Variants in TRRAP observed in about 807,000 individuals in gnomAD.
The protein encoded by TRRAP is transformation/transcription domain-associated protein.
In TRRAP, 41 loss-of-function variants were observed where a neutral mutation model predicts 438.8. The observed-to-expected ratio is 0.09, with a 90% CI of 0.07 to 0.12. TRRAP has a LOEUF of 0.12. TRRAP is among the 10% of genes least tolerant of loss of function. The pLI, the probability that TRRAP is intolerant of heterozygous loss-of-function variation, is 1.00. For synonymous variants in TRRAP, 1,994 were observed against 1,962.9 expected, an observed-to-expected ratio of 1.02 and a Z score of -0.42; for missense variants, 3,122 against 5,055.1, an observed-to-expected ratio of 0.62 and a Z score of 11.60.
chr7:98,959,936 TAAAAAAAAAA>T (rs780800568), intron 45 of TRRAP, among the ~76,000 whole-genome samples: 11 of 112,710 alleles, frequency 9.8e-5, no homozygotes, highest in Non-Finnish European at 1.6e-4. Context: ...CCTGGTCTCT[TAAAAAAAAAA>T]AAAAAAAAGA....
intron 6 of TRRAP, among the ~76,000 whole-genome samples, chr7:98,894,128 T>C (rs551650775): frequency 6.6e-6 from 1 of 152,348 alleles, no homozygotes; most frequent in African/African-American, 2.4e-5. Context: ...TTTGGGCTGT[T>C]CTGGTATTTA....
chr7:98,921,896 C>T lies in TRRAP; in HGVS notation c.2766C>T (p.Pro922=). 6.2e-7 allele frequency: 1 copy of T among 1,614,202 alleles called. No homozygotes were observed. The highest frequency in any genetic ancestry group is 1.6e-4 in the Middle Eastern group (1 of 6,062). The part of the protein sequence containing the change: ...LHYVVTEVQG[P]SITVEFSDCK... Reference sequence around the variant, plus strand: ...ACGTTGTGACCGAGGTTCAGGGCCCCAGCATCACTGTGGAGTTTTCCGACT... The same window carrying T: ...ACGTTGTGACCGAGGTTCAGGGCCCTAGCATCACTGTGGAGTTTTCCGACT... The change falls in exon 21 of 73, where the codon CCC becomes CCT. Residue 922 remains proline, a synonymous_variant. Coordinates refer to ENST00000456197, the MANE Select transcript of TRRAP (RefSeq NM_001375524.1).
At chr7:98,920,356 C>G (rs1789724304) in intron 20 of TRRAP, among the ~76,000 whole-genome samples, 1 of 151,772 alleles carries the variant, frequency 6.6e-6, no homozygotes, top group South Asian at 2.1e-4. Context: ...ATCTTAGCTG[C>G]TCAGGAGGCT....
At position 99,005,153 on chromosome 7, in the gene TRRAP, G is replaced by T. The variant is rs2116860829; in HGVS notation, c.10558G>T (p.Val3520Leu). Residue 3520 changes from valine (V) to leucine (L), a missense_variant, in exon 69 of 73, where the codon GTG becomes TTG. This residue lies in a region of TRRAP where 95 missense variants were observed against 144.1 expected (regional missense o/e 0.66). Transcript: ENST00000456197. The surrounding 1 kb of genome is among the most constrained non-coding windows in gnomAD (Gnocchi z 5.1). Reference protein sequence around the residue: ...IARFMPRVEIVQKHNTAARRL... With the variant: ...IARFMPRVEILQKHNTAARRL... ...CAGGTTCATGCCCCGGGTAGAGATT[G>T]TGCAGAAGCACAACACCGCAGCCCG... is the stretch of plus-strand genomic sequence containing the variant. The T allele has an allele frequency of 5.0e-6, 8 of 1,613,788 alleles. No homozygotes were observed. Among genetic ancestry groups the T allele is most frequent in the Non-Finnish European group, 6.8e-6 (8 of 1,180,018 alleles).
In TRRAP at chr7:98,903,452, C is replaced by T. The variant is rs368627255; in HGVS notation, c.971C>T (p.Thr324Ile). The change falls in exon 12 of 73, where the codon ACT (threonine) becomes ATT (isoleucine). Residue 324 changes from threonine (T) to isoleucine (I), a missense_variant. Thr to Ile is a moderately conservative substitution (Grantham distance 89). This residue lies in a region of TRRAP where 343 missense variants were observed against 564.0 expected (regional missense o/e 0.61). Coordinates refer to ENST00000456197, the MANE Select transcript of TRRAP (RefSeq NM_001375524.1). ...LQLLSNCPAE[T>I]AHLRKELLIA... ...TTACTTTCAAATTGTCCAGCAGAGA[C>T]TGCACACCTCAGAAAGGAGCTTCTG... 6.2e-7 allele frequency: 1 copy of T among 1,614,254 alleles called. No homozygotes were observed. The highest frequency in any genetic ancestry group is 8.5e-7 in the Non-Finnish European group (1 of 1,180,048).
chr7:98,932,175 A>G (rs1790352993), intron 26 of TRRAP, among the ~76,000 whole-genome samples: 1 of 151,990 alleles, frequency 6.6e-6, no homozygotes, highest in Non-Finnish European at 1.5e-5. Context: ...GTGCAGTGGC[A>G]TGATCTTGGC....
intron 65 of TRRAP, among the ~76,000 whole-genome samples, chr7:98,992,588 T>TG (rs1793478796): frequency 7.0e-6 from 1 of 143,104 alleles, no homozygotes; most frequent in Non-Finnish European, 1.5e-5. Context: ...TGTGTGTGTG[T>TG]TTAAGTTATG....
chr7:98,915,425 G>A (rs1194131793), intron 18 of TRRAP, among the ~76,000 whole-genome samples: 3 of 152,088 alleles, frequency 2.0e-5, no homozygotes, highest in African/African-American at 7.2e-5. Context: ...CTCCTAATCT[G>A]AGGTAATCTG....
chr7:98,948,368 C>A lies in TRRAP; in HGVS notation c.4668+28C>A. On this transcript the variant is annotated intron_variant, in intron 34 of 72. Coordinates refer to ENST00000456197, the MANE Select transcript of TRRAP (RefSeq NM_001375524.1). The surrounding 1 kb of genome is among the most constrained non-coding windows in gnomAD (Gnocchi z 4.9). ...AAGGGCCATACTGAAGGCTGCTTCT[C>A]GCTCTGCCACCCTCCGGTGCTTATA... The A allele has an allele frequency of 6.2e-7, 1 of 1,613,830 alleles. No individual in the cohort carries two copies. Among genetic ancestry groups the A allele is most frequent in the South Asian group, 1.1e-5 (1 of 91,050 alleles).
At chr7:98,955,966 G>A (rs1475220919) in intron 41 of TRRAP, among the ~76,000 whole-genome samples, 180 bp from the exon 42 acceptor site, 1 of 152,178 alleles carries the variant, frequency 6.6e-6, no homozygotes, top group Admixed American at 6.5e-5. Context: ...ACATACATAA[G>A]GCAGTGAGAA....
chr7:98,941,457 A>G (rs1229390299), intron 30 of TRRAP, among the ~76,000 whole-genome samples: 2 of 152,204 alleles, frequency 1.3e-5, no homozygotes, highest in African/African-American at 4.8e-5. Flanking sequence ...GGAGTGAGCT[A>G]CCGCGCCTGG....
At chr7:98,891,318 TCTC>T (rs1280767109) in intron 4 of TRRAP, among the ~76,000 whole-genome samples, 1 of 149,354 alleles carries the variant, frequency 6.7e-6, no homozygotes, top group Non-Finnish European at 1.5e-5. Context: ...TTCAAACAAT[TCTC>T]CTGCCTCAGC....
intron 64 of TRRAP, 131 bp downstream of exon 64, chr7:98,990,750 AATC>A: frequency 1.0e-6 from 1 of 977,034 alleles, no homozygotes; most frequent in Non-Finnish European, 1.5e-6. Flanking sequence ...GGGAAGATAT[AATC>A]ATGTAGATAT....
chr7:98,898,301 G>A (rs562917181), intron 8 of TRRAP, among the ~76,000 whole-genome samples: 2 of 152,274 alleles, frequency 1.3e-5, no homozygotes, highest in East Asian at 1.9e-4. Flanking sequence ...ATGAACCTGC[G>A]TTCTGACCTT....
chr7:98,977,397 G>T (rs916637819), intron 56 of TRRAP, among the ~76,000 whole-genome samples: 1 of 152,158 alleles, frequency 6.6e-6, no homozygotes, highest in African/African-American at 2.4e-5. Context: ...CCTGACCTAA[G>T]ATCCGCCCAC....
chr7:99,005,051 G>A lies in TRRAP; in HGVS notation c.10536-80G>A. On this transcript the variant is annotated intron_variant, in intron 68 of 72. Transcript: ENST00000456197. The surrounding 1 kb of genome is among the most constrained non-coding windows in gnomAD (Gnocchi z 5.1). ...ACAGTCCGTTTTCCCGTGACAGTTC[G>A]GACATTCCTAGCTTCTTCTCAAGAC... 19 of 1,445,008 alleles carry A rather than the reference G, an allele frequency of 1.3e-5. No homozygotes were observed. Among genetic ancestry groups the A allele is most frequent in the Middle Eastern group, 2.4e-4 (1 of 4,226 alleles). The allele number at this position is 1,445,008 out of a possible 1,614,324, so 89.5% of individuals were successfully genotyped here.
intron 67 of TRRAP, among the ~76,000 whole-genome samples, chr7:98,995,435 G>A (rs1254475814): frequency 2.6e-5 from 4 of 152,088 alleles, no homozygotes; most frequent in South Asian, 2.1e-4. Context: ...GGCCTGCAGC[G>A]ACGAGCTAAG....
chr7:98,978,198 T>A lies in TRRAP; in HGVS notation c.8386-13T>A. On this transcript the variant is annotated splice_polypyrimidine_tract_variant and intron_variant, in intron 56 of 72. Transcript: ENST00000456197. ...TAGTTAAACAGTGATTTAAAAACAT[T>A]AACTTTTTTTAGGCACAAGAATCCT... The A allele has an allele frequency of 6.2e-7, 1 of 1,603,728 alleles. No homozygotes were observed. Among genetic ancestry groups the A allele is most frequent in the Non-Finnish European group, 8.5e-7 (1 of 1,173,824 alleles).
intron 61 of TRRAP, among the ~76,000 whole-genome samples, 182 bp from the exon 62 acceptor site, chr7:98,984,762 A>G (rs1325985925): frequency 6.6e-6 from 1 of 152,270 alleles, no homozygotes; most frequent in Non-Finnish European, 1.5e-5. Flanking sequence ...AGTTAGCTTT[A>G]GTAATTCAGT....
Sources: allele counts gnomAD v4.1 joint callset (sites outside exome capture counted in the v4.1 genomes callset), GRCh38; gene constraint gnomAD v4.1.1; regional missense constraint gnomAD v4.1.1; non-coding constraint Gnocchi (gnomAD v3.1); transcripts MANE v1.5; gene names NCBI Gene and HGNC (gene_info 2026-07-23, HGNC 2026-07-21).